The following DYNC1I1 variants were observed in gnomAD, a reference collection of about 807,000 sequenced individuals.
The protein encoded by DYNC1I1 is cytoplasmic dynein 1 intermediate chain 1.
In DYNC1I1, 43 loss-of-function variants were observed where a neutral mutation model predicts 86.6. The ratio of observed to expected loss-of-function variants is 0.50; its 90% confidence interval spans 0.39 to 0.64. DYNC1I1 has a LOEUF of 0.64. DYNC1I1 is among the 30% of genes least tolerant of loss of function. The pLI is 0.00. For synonymous variants in DYNC1I1, 262 were observed against 283.7 expected (o/e 0.92, Z 0.77); for missense variants, 604 against 788.8 (o/e 0.77, Z 2.81).
At chr7:95,929,206 C>T (rs1381993514) in intron 6 of DYNC1I1, among the ~76,000 whole-genome samples, 2 of 152,082 alleles carry the variant, frequency 1.3e-5, no homozygotes, top group South Asian at 2.1e-4. Flanking sequence ...GTGCCCATGC[C>T]TAGAATATCC....
chr7:95,800,402 C>A (rs1794549177), intron 1 of DYNC1I1, among the ~76,000 whole-genome samples: 2 of 151,910 alleles, frequency 1.3e-5, no homozygotes, highest in Admixed American at 1.3e-4. Context: ...AGAACAAGGG[C>A]TATGATGTGG....
At chr7:95,894,644 CTTTA>C (rs1260065709) in intron 6 of DYNC1I1, among the ~76,000 whole-genome samples, 2 of 152,134 alleles carry the variant, frequency 1.3e-5, no homozygotes, top group Admixed American at 1.3e-4. Context: ...TCAAACACAT[CTTTA>C]TTAATTAAAA....
chr7:95,859,498 A>G (rs1332280571), intron 5 of DYNC1I1, among the ~76,000 whole-genome samples: 1 of 152,154 alleles, frequency 6.6e-6, no homozygotes, highest in Non-Finnish European at 1.5e-5. Flanking sequence ...TCTTACCCAG[A>G]GATTCTGGGC....
chr7:95,774,457 A>G (rs1793790594), intron 1 of DYNC1I1, among the ~76,000 whole-genome samples: 1 of 152,018 alleles, frequency 6.6e-6, no homozygotes, highest in African/African-American at 2.4e-5. Context: ...AACATGCATG[A>G]TTGTTTTACT....
chr7:96,095,416 A>G lies in DYNC1I1; in HGVS notation c.1777-2067A>G, dbSNP rs924658295. The stretch of plus-strand genomic sequence containing the variant: ...TCAATAACATATTGCATAGGTCATC[A>G]TGTATTAACTTAAATTTGTACGATT... On this transcript the variant is annotated intron_variant, in intron 16 of 16. Transcript: ENST00000447467. 2.0e-5 allele frequency among the ~76,000 whole-genome samples: 3 copies of G among 152,132 alleles called. No homozygotes were observed. The East Asian group carries it at 5.8e-4, about 29-fold the overall frequency.
intron 14 of DYNC1I1, among the ~76,000 whole-genome samples, chr7:96,059,154 G>A (rs992983574): frequency 6.6e-6 from 1 of 151,960 alleles, no homozygotes; most frequent in South Asian, 2.1e-4. Flanking sequence ...GTGTATTGTT[G>A]GTTCATTGAC....
intron 14 of DYNC1I1, among the ~76,000 whole-genome samples, chr7:96,049,016 T>C (rs1789304607): frequency 6.6e-6 from 1 of 152,142 alleles, no homozygotes; most frequent in Non-Finnish European, 1.5e-5. Flanking sequence ...TCCCAGCACT[T>C]TGAGAGGCCG....
chr7:95,907,243 T>G (rs1791199867), intron 6 of DYNC1I1, among the ~76,000 whole-genome samples: 1 of 152,172 alleles, frequency 6.6e-6, no homozygotes, highest in Non-Finnish European at 1.5e-5. Flanking sequence ...CTTGCCCCGC[T>G]TTTTCATGTT....
intron 6 of DYNC1I1, among the ~76,000 whole-genome samples, chr7:95,967,693 A>G (rs1294489746): frequency 6.6e-6 from 1 of 152,148 alleles, no homozygotes. Context: ...TGCCAGCTCC[A>G]TGAGGGCAGG....
chr7:96,026,419 T>C (rs571254266), intron 10 of DYNC1I1, among the ~76,000 whole-genome samples: 2 of 151,828 alleles, frequency 1.3e-5, no homozygotes, highest in African/African-American at 2.4e-5. Flanking sequence ...AAAGAGGTCA[T>C]AGGTTTTTTT....
chr7:96,104,258 T>G (rs1221510637), intron 16 of DYNC1I1, among the ~76,000 whole-genome samples: 1 of 152,148 alleles, frequency 6.6e-6, no homozygotes, highest in Non-Finnish European at 1.5e-5. Context: ...GTTCTTTATG[T>G]ATTCTGGATA....
intron 10 of DYNC1I1, among the ~76,000 whole-genome samples, chr7:96,021,314 T>C (rs1182499652): frequency 1.3e-5 from 2 of 152,086 alleles, no homozygotes; most frequent in Admixed American, 1.3e-4. Context: ...GGACTCTGGG[T>C]CTGCCAATCC....
chr7:95,795,850 A>G (rs939648749), intron 1 of DYNC1I1, among the ~76,000 whole-genome samples: 1 of 151,994 alleles, frequency 6.6e-6, no homozygotes, highest in Non-Finnish European at 1.5e-5. Flanking sequence ...ACAAATTTAT[A>G]TAAGAAACCT....
intron 6 of DYNC1I1, among the ~76,000 whole-genome samples, chr7:95,944,712 T>C (rs946551933): frequency 1.3e-5 from 2 of 152,176 alleles, no homozygotes; most frequent in African/African-American, 4.8e-5. Context: ...GATGAGTTCA[T>C]GTCCTTTGGT....
At chr7:95,932,824 T>A (rs78750853) in intron 6 of DYNC1I1, among the ~76,000 whole-genome samples, 2,298 of 152,154 alleles carry the variant, frequency 0.015, 56 homozygotes, top group African/African-American at 0.053. Flanking sequence ...AGACTTACAG[T>A]AGCACATCAT....
intron 2 of DYNC1I1, among the ~76,000 whole-genome samples, chr7:95,808,344 A>C (rs572964466): frequency 6.6e-6 from 1 of 152,152 alleles, no homozygotes; most frequent in African/African-American, 2.4e-5. Flanking sequence ...TATAAAAACT[A>C]GTGTGAATTA....
intron 1 of DYNC1I1, among the ~76,000 whole-genome samples, chr7:95,781,813 G>A (rs1338955243): frequency 2.6e-5 from 4 of 152,118 alleles, no homozygotes; most frequent in African/African-American, 4.8e-5. Context: ...CCCTCCTCAC[G>A]GGGCATTCCA....
intron 4 of DYNC1I1, among the ~76,000 whole-genome samples, chr7:95,823,964 A>ATATATG (rs1282237987): frequency 9.2e-6 from 1 of 108,424 alleles, no homozygotes; most frequent in Non-Finnish European, 1.7e-5. Context: ...ATATATATAT[A>ATATATG]TATATATATA....
intron 10 of DYNC1I1, among the ~76,000 whole-genome samples, chr7:96,024,359 A>T (rs1356677795): frequency 6.6e-6 from 1 of 152,166 alleles, no homozygotes; most frequent in South Asian, 2.1e-4. Flanking sequence ...GGCCTCCCAA[A>T]GTTCTGAGAT....
Sources: allele counts gnomAD v4.1 joint callset (sites outside exome capture counted in the v4.1 genomes callset), GRCh38; gene constraint gnomAD v4.1.1; transcripts MANE v1.5; gene names NCBI Gene and HGNC (gene_info 2026-07-23, HGNC 2026-07-21).